Variants in FNBP4 observed in about 807,000 individuals in gnomAD.
FNBP4 encodes the protein formin binding protein 4.
Under a neutral mutation model 119.3 loss-of-function variants are expected in FNBP4, and 34 were observed. The ratio of observed to expected loss-of-function variants is 0.28; its 90% CI spans 0.22 to 0.38. The LOEUF (loss-of-function observed/expected upper bound fraction) is 0.38. FNBP4 is among the 10% of genes least tolerant of loss of function. The pLI is 1.00. For missense variants in FNBP4, 1,112 were observed against 1,228.9 expected (o/e 0.90, Z 1.42); for synonymous variants, 462 against 430.6 (o/e 1.07, Z -0.90).
At chr11:47,756,957 G>A (rs575055438) in intron 2 of FNBP4, among the ~76,000 whole-genome samples, 52 of 152,232 alleles carry the variant, frequency 3.4e-4, no homozygotes, top group Non-Finnish European at 6.0e-4. Context: ...ATGGACATTC[G>A]GGTTGGTTCC....
chr11:47,743,458 G>C (rs2097585142), intron 8 of FNBP4, among the ~76,000 whole-genome samples: 1 of 152,066 alleles, frequency 6.6e-6, no homozygotes, highest in Non-Finnish European at 1.5e-5. Context: ...ACTCCAGCCT[G>C]GGTGACAGAG....
At chr11:47,724,890 G>C in intron 12 of FNBP4, 112 bp from the exon 13 acceptor site, 1 of 1,415,564 alleles carries the variant, frequency 7.1e-7, no homozygotes, top group Non-Finnish European at 9.3e-7. Context: ...ACCTAGCACA[G>C]TGTACAAAAC....
chr11:47,750,485 C>G (rs945692585), intron 6 of FNBP4, among the ~76,000 whole-genome samples: 1 of 146,262 alleles, frequency 6.8e-6, no homozygotes, highest in African/African-American at 2.5e-5. Context: ...GTCAGGAGAT[C>G]GAGACCATCC....
Position 47,756,980 on chromosome 11 carries a change from T to C in FNBP4, c.314-2316A>G, listed in dbSNP as rs559336064. 2.6e-5 allele frequency among the ~76,000 whole-genome samples: 4 copies of C among 152,282 alleles called. No homozygotes were observed. In the East Asian group the frequency reaches 5.8e-4, roughly 22 times the overall value. On this transcript the variant is annotated intron_variant, in intron 2 of 16. Transcript: ENST00000263773. ...TCGGGTTGGTTCCAAGTCTTTGCTA[T>C]TGTGAATAGTGCTGCAGTAAACATA...
At position 47,724,792 on chromosome 11, in the gene FNBP4, T is replaced by C; in HGVS notation, c.2009-14A>G. On this transcript the variant is annotated splice_polypyrimidine_tract_variant and intron_variant, in intron 12 of 16. Transcript: ENST00000263773. ...TACAAAGAGAACCTATGAAAACAGG[T>C]AAGAGTCAGGGAAAAAGCAAGAAAA... 1 of 1,526,890 alleles carries C rather than the reference T, an allele frequency of 6.5e-7. No homozygotes were observed. Among genetic ancestry groups the C allele is most frequent in the Non-Finnish European group, 8.8e-7 (1 of 1,140,426 alleles). The allele number at this position is 1,526,890 out of a possible 1,614,324, so 94.6% of individuals were successfully genotyped here.
At chr11:47,729,861 C>G (rs932419544) in intron 12 of FNBP4, 1 of 985,360 alleles carries the variant, frequency 1.0e-6, no homozygotes, top group Non-Finnish European at 1.2e-6. Context: ...GATTTTACTT[C>G]GATCAAGTTT....
chr11:47,755,782 C>T (rs1052980700), intron 2 of FNBP4, among the ~76,000 whole-genome samples: 1 of 151,602 alleles, frequency 6.6e-6, no homozygotes, highest in East Asian at 1.9e-4. Flanking sequence ...CAAAGTGAGA[C>T]TGACCATGTC....
intron 2 of FNBP4, among the ~76,000 whole-genome samples, chr11:47,755,729 T>A (rs967860268): frequency 6.6e-6 from 1 of 151,656 alleles, no homozygotes; most frequent in South Asian, 2.1e-4. Context: ...AGGTTGAGGC[T>A]GCATTAAGCC....
At position 47,736,596 on chromosome 11, in the gene FNBP4, G is replaced by A. The variant is rs1188595983; in HGVS notation, c.1581+20C>T. 3.2e-6 allele frequency: 5 copies of A among 1,547,668 alleles called. No homozygotes were observed. Among genetic ancestry groups the A allele is most frequent in the Non-Finnish European group, 3.5e-6 (4 of 1,141,922 alleles). On this transcript the variant is annotated intron_variant, in intron 9 of 16. Coordinates refer to ENST00000263773, the MANE Select transcript of FNBP4 (RefSeq NM_015308.5). ...AATAATAATAAAAATTTGTCAAGTT[G>A]CATTAAGTAATATACATACTTTCAA...
chr11:47,718,506 C>T lies in FNBP4; in HGVS notation c.2964-994G>A, dbSNP rs2097552012. 2.0e-5 allele frequency among the ~76,000 whole-genome samples: 3 copies of T among 152,142 alleles called. No homozygotes were observed. In the South Asian group the frequency reaches 6.2e-4, roughly 31 times the overall value. ...GGATTACAGATGTGAGCCCCTGTGC[C>T]CGGCCGGATCTAATGTTTTTGAGTT... On this transcript the variant is annotated intron_variant, in intron 16 of 16. Coordinates refer to ENST00000263773, the MANE Select transcript of FNBP4 (RefSeq NM_015308.5).
chr11:47,760,819 C>A (rs1301306493), intron 2 of FNBP4, among the ~76,000 whole-genome samples: 2 of 152,146 alleles, frequency 1.3e-5, no homozygotes, highest in East Asian at 3.8e-4. Context: ...CTGCCTTGGC[C>A]TCCCATAGTG....
intron 14 of FNBP4, 152 bp from the exon 15 acceptor site, chr11:47,723,468 T>G: frequency 8.1e-7 from 1 of 1,228,578 alleles, no homozygotes; most frequent in South Asian, 1.7e-5. Context: ...TAGCAAAATA[T>G]ATTAATTTTG....
In FNBP4 at chr11:47,724,367, C is replaced by T. The variant is rs1448726739; in HGVS notation, c.2319+101G>A. On this transcript the variant is annotated intron_variant, in intron 13 of 16. Transcript: ENST00000263773. Reference sequence around the variant, plus strand: ...AAAGGTCTAGGATATAGGCGTGAGCCACCGTGCCCGGCCTTTAAACATATG... The same window carrying T: ...AAAGGTCTAGGATATAGGCGTGAGCTACCGTGCCCGGCCTTTAAACATATG... 8.2e-6 allele frequency: 13 copies of T among 1,580,994 alleles called. No homozygotes were observed. The Admixed American group carries it at 2.1e-4, about 25-fold the overall frequency.
chr11:47,728,010 C>G (rs2097563100), intron 12 of FNBP4, among the ~76,000 whole-genome samples: 2 of 151,958 alleles, frequency 1.3e-5, no homozygotes, highest in Non-Finnish European at 2.9e-5. Flanking sequence ...TCCCGAGTAG[C>G]TAGGATTACA....
rs192228090 is a variant in FNBP4, at chr11:47,741,408, A to G, written c.1456+2545T>C. On this transcript the variant is annotated intron_variant, in intron 8 of 16. Transcript: ENST00000263773. ...TGGTCTTGACTCCTGGCCTCAAATG[A>G]TCTTTCCGCTTTGCCCTCCGAAAGT... 3.5e-4 allele frequency among the ~76,000 whole-genome samples: 53 copies of G among 151,786 alleles called. 1 individual carries two copies. Among genetic ancestry groups the G allele is most frequent in the Admixed American group, 3.5e-3 (53 of 15,268 alleles).
intron 2 of FNBP4, among the ~76,000 whole-genome samples, chr11:47,760,614 A>G (rs1208730379): frequency 6.6e-6 from 1 of 151,906 alleles, no homozygotes; most frequent in East Asian, 1.9e-4. Flanking sequence ...TTGTATTTCT[A>G]GTAGAGATGG....
chr11:47,741,922 T>G, intron 8 of FNBP4, among the ~76,000 whole-genome samples: 1 of 152,326 alleles, frequency 6.6e-6, no homozygotes, highest in East Asian at 1.9e-4. Context: ...TGCAGCAATT[T>G]TTTTTAGTGA....
intron 9 of FNBP4, 47 bp downstream of exon 9, chr11:47,736,569 A>T (rs753121363): frequency 6.9e-7 from 1 of 1,451,664 alleles, no homozygotes; most frequent in Non-Finnish European, 9.4e-7. Context: ...CAAAATAATG[A>T]TAATAATAAT....
At chr11:47,728,833 T>C (rs1054612980) in intron 12 of FNBP4, among the ~76,000 whole-genome samples, 1 of 146,690 alleles carries the variant, frequency 6.8e-6, no homozygotes, top group African/African-American at 2.5e-5. Context: ...CTAAGAACCT[T>C]GCTTCTGTAG....
Sources: gnomAD v4.1 joint callset for allele counts (sites outside exome capture counted in the v4.1 genomes callset) on GRCh38, gnomAD v4.1.1 for gene constraint, MANE v1.5 for transcripts, NCBI Gene and HGNC (gene_info 2026-07-23, HGNC 2026-07-21) for gene names.